GRID1: variants seen among roughly 807,000 people sequenced by gnomAD.
GRID1 encodes glutamate receptor ionotropic, delta-1.
In GRID1, 28 loss-of-function variants were observed where a neutral mutation model predicts 98.0. That is an observed-to-expected ratio of 0.29 (90% CI 0.21 to 0.39). The LOEUF (loss-of-function observed/expected upper bound fraction) is 0.39. GRID1 is among the 10% of genes least tolerant of loss of function. GRID1 has a pLI of 1.00. For missense variants in GRID1, 1,111 were observed against 1,340.5 expected, an observed-to-expected ratio of 0.83 and a Z score of 2.67; for synonymous variants, 553 against 538.5, an observed-to-expected ratio of 1.03 and a Z score of -0.37.
At chr10:86,351,560 C>A (rs953943994) in intron 2 of GRID1, among the ~76,000 whole-genome samples, 4 of 152,172 alleles carry the variant, frequency 2.6e-5, no homozygotes, top group African/African-American at 9.7e-5. Context: ...ACTAAAGGAG[C>A]CAGTGTACAG....
intron 2 of GRID1, among the ~76,000 whole-genome samples, chr10:86,213,300 T>C (rs1419261621): frequency 6.6e-6 from 1 of 151,994 alleles, no homozygotes; most frequent in African/African-American, 2.4e-5. Context: ...GGCAACTTGG[T>C]GACCTTGGCC....
At chr10:86,245,522 GCTTTACTCCATTCCTCCTCTA>G (rs1846710811) in intron 2 of GRID1, among the ~76,000 whole-genome samples, 1 of 148,414 alleles carries the variant, frequency 6.7e-6, no homozygotes, top group African/African-American at 2.5e-5. Flanking sequence ...TCTACCATTT[GCTTTACTCCATTCCTCCTCTA>G]CCATTCGCTT....
At chr10:85,641,805 G>A (rs188377386) in intron 13 of GRID1, among the ~76,000 whole-genome samples, 1 of 152,194 alleles carries the variant, frequency 6.6e-6, no homozygotes, top group Non-Finnish European at 1.5e-5. Flanking sequence ...GCGCAGTGAG[G>A]GAGAAGTTTC....
chr10:86,270,693 A>AAAT (rs1406260822), intron 2 of GRID1, among the ~76,000 whole-genome samples: 3 of 152,150 alleles, frequency 2.0e-5, no homozygotes, highest in Non-Finnish European at 4.4e-5. Context: ...CCGTCTCAAA[A>AAAT]AATAATAATA....
intron 4 of GRID1, among the ~76,000 whole-genome samples, chr10:86,024,625 A>G (rs1391616860): frequency 6.6e-6 from 1 of 152,156 alleles, no homozygotes; most frequent in Non-Finnish European, 1.5e-5. Flanking sequence ...GCTCCCCCCA[A>G]AAGTTAGTTT....
At chr10:86,041,937 A>T (rs544366493) in intron 4 of GRID1, among the ~76,000 whole-genome samples, 12 of 152,286 alleles carry the variant, frequency 7.9e-5, no homozygotes. Flanking sequence ...CAGGCCTCCC[A>T]CCTGGGTAGG....
Position 85,869,026 on chromosome 10 carries a change from T to C in GRID1, c.935A>G (p.Tyr312Cys), listed in dbSNP as rs1843250248. 1 of 1,613,588 alleles carries C rather than the reference T, an allele frequency of 6.2e-7. No individual in the cohort carries two copies. Among genetic ancestry groups the C allele is most frequent in the African/African-American group, 1.3e-5 (1 of 74,882 alleles). Residue 312 changes from tyrosine (Y) to cysteine (C), a missense_variant, in exon 6 of 16, where the codon TAC (tyrosine) becomes TGC (cysteine). Tyr to Cys is a radical substitution (Grantham distance 194). This residue lies in a region of GRID1 where 346 missense variants were observed against 452.3 expected (regional missense o/e 0.76). Transcript: ENST00000327946. ...SSLLCDPQEG[Y>C]LQMLQISNLY... ...AGCACTGACCTGCAGCATCTGGAGGTAGCCTTCCTGGGGGTCGCAGAGCAG... is the reference window on the plus strand; with the variant it reads ...AGCACTGACCTGCAGCATCTGGAGGCAGCCTTCCTGGGGGTCGCAGAGCAG...
intron 3 of GRID1, among the ~76,000 whole-genome samples, chr10:86,184,141 T>C (rs1200303020): frequency 1.3e-5 from 2 of 152,260 alleles, no homozygotes; most frequent in Admixed American, 1.3e-4. Context: ...AGAGTTTTTA[T>C]ACTCTATACA....
At chr10:86,245,255 A>T (rs952610532) in intron 2 of GRID1, among the ~76,000 whole-genome samples, 1 of 152,176 alleles carries the variant, frequency 6.6e-6, no homozygotes, top group East Asian at 1.9e-4. Context: ...CTTCTCCCAG[A>T]GTTGGCACAG....
At chr10:86,227,048 T>C (rs1846362629) in intron 2 of GRID1, among the ~76,000 whole-genome samples, 1 of 151,916 alleles carries the variant, frequency 6.6e-6, no homozygotes, top group South Asian at 2.1e-4. Context: ...CTGCAGCTGG[T>C]GGAAAGGGGA....
chr10:85,612,675 C>G (rs190051396), intron 15 of GRID1, among the ~76,000 whole-genome samples: 1 of 151,850 alleles, frequency 6.6e-6, no homozygotes, highest in African/African-American at 2.4e-5. Flanking sequence ...AATGACACTA[C>G]TTTCCACCCT....
chr10:86,278,368 T>C (rs1847304350), intron 2 of GRID1, among the ~76,000 whole-genome samples: 1 of 152,082 alleles, frequency 6.6e-6, no homozygotes, highest in Non-Finnish European at 1.5e-5. Flanking sequence ...ACTTTAAGAA[T>C]TTGTCTTAAG....
At chr10:85,630,723 C>T (rs962448803) in intron 13 of GRID1, among the ~76,000 whole-genome samples, 3 of 152,128 alleles carry the variant, frequency 2.0e-5, no homozygotes, top group African/African-American at 7.2e-5. Flanking sequence ...CACTGAAGAA[C>T]TTATAAGAAA....
intron 8 of GRID1, among the ~76,000 whole-genome samples, chr10:85,743,879 T>C (rs1012013744): frequency 1.3e-5 from 2 of 152,194 alleles, no homozygotes; most frequent in African/African-American, 4.8e-5. Flanking sequence ...TTGCATGTCA[T>C]AATGCATGCA....
At chr10:85,959,504 G>C (rs552624687) in intron 4 of GRID1, among the ~76,000 whole-genome samples, 1 of 152,306 alleles carries the variant, frequency 6.6e-6, no homozygotes, top group East Asian at 1.9e-4. Flanking sequence ...ATCCAGGAGA[G>C]TTCCCTGTGC....
chr10:85,986,573 C>T (rs1462679364), intron 4 of GRID1, among the ~76,000 whole-genome samples: 3 of 152,178 alleles, frequency 2.0e-5, no homozygotes, highest in Admixed American at 6.5e-5. Flanking sequence ...CTGCCTCTCC[C>T]GCCAGCCACA....
chr10:86,194,317 C>T (rs1187384245), intron 3 of GRID1, among the ~76,000 whole-genome samples: 1 of 152,132 alleles, frequency 6.6e-6, no homozygotes, highest in Non-Finnish European at 1.5e-5. Flanking sequence ...ATAAAGCCCA[C>T]TCTGCAGAAT....
At chr10:85,633,907 C>T (rs1350346303) in intron 13 of GRID1, among the ~76,000 whole-genome samples, 1 of 152,096 alleles carries the variant, frequency 6.6e-6, no homozygotes, top group Admixed American at 6.5e-5. Context: ...CGAGGTGGCT[C>T]ACATCTGTAA....
intron 4 of GRID1, among the ~76,000 whole-genome samples, chr10:86,008,476 T>C (rs1842889064): frequency 6.6e-6 from 1 of 152,054 alleles, no homozygotes. Flanking sequence ...AAAAGACAAA[T>C]GGAAAAATAA....
Sources: gnomAD v4.1 joint callset for allele counts (sites outside exome capture counted in the v4.1 genomes callset) on GRCh38, gnomAD v4.1.1 for gene constraint, gnomAD v4.1.1 regional missense constraint, MANE v1.5 for transcripts, NCBI Gene and HGNC (gene_info 2026-07-23, HGNC 2026-07-21) for gene names.